Variants in SPINK7 observed in about 807,000 individuals in gnomAD.
The protein encoded by SPINK7 is serine protease inhibitor Kazal-type 7.
SPINK7 carries 8 observed loss-of-function variants against 11.6 expected under a neutral mutation model. The ratio of observed to expected loss-of-function variants is 0.69; its 90% CI spans 0.41 to 1.25. The LOEUF (loss-of-function observed/expected upper bound fraction) is 1.25, where lower values mean the gene tolerates loss of function less well. Ranked by LOEUF, SPINK7 falls within the 50% of genes most tolerant of loss-of-function variation. The pLI, the probability that SPINK7 is intolerant of heterozygous loss-of-function variation, is 0.01. For missense variants in SPINK7, 113 were observed against 99.3 expected (o/e 1.14, Z -0.58); for synonymous variants, 38 against 35.3 (o/e 1.08, Z -0.27).
At chr5:148,315,587 C>T (rs1048717158) in intron 3 of SPINK7, 52 bp from the exon 4 acceptor site, 22 of 1,123,278 alleles carry the variant, frequency 2.0e-5, no homozygotes, top group Non-Finnish European at 2.9e-5. Flanking sequence ...TCTAACATTA[C>T]ATAAAATTTC....
At chr5:148,315,501 C>T (rs1223692904) in intron 3 of SPINK7, 138 bp from the exon 4 acceptor site, 3 of 539,716 alleles carry the variant, frequency 5.6e-6, no homozygotes, top group Non-Finnish European at 1.0e-5. Flanking sequence ...TTGGCAAGGT[C>T]ATTCATTTTC....
Position 148,313,391 on chromosome 5 carries a change from C to A in SPINK7, c.79C>A (p.Pro27Thr). Residue 27 changes from proline to threonine, a missense_variant, in exon 2 of 4, where the codon CCA (proline) becomes ACA (threonine). Coordinates refer to ENST00000274565, the MANE Select transcript of SPINK7 (RefSeq NM_032566.3). ...CSSSEAASLS[P>T]KKVDCSIYKK... ...TTTTTCAGAAGCTGCTAGTCTGTCTCCAAAAAAAGTAAGTATGTTGAATAA... is the reference window on the plus strand; with the variant it reads ...TTTTTCAGAAGCTGCTAGTCTGTCTACAAAAAAAGTAAGTATGTTGAATAA... 1 of 1,599,632 alleles carries A rather than the reference C, an allele frequency of 6.3e-7. No individual in the cohort carries two copies. Among genetic ancestry groups the A allele is most frequent in the East Asian group, 2.2e-5 (1 of 44,450 alleles).
intron 3 of SPINK7, among the ~76,000 whole-genome samples, chr5:148,315,085 T>A (rs6860471): frequency 4.6e-5 from 7 of 152,120 alleles, no homozygotes; most frequent in Non-Finnish European, 1.0e-4. Flanking sequence ...TGCGTTTTCA[T>A]CTTTGTGATT....
chr5:148,313,086 A>C (rs1222504711), intron 1 of SPINK7, among the ~76,000 whole-genome samples: 4 of 152,052 alleles, frequency 2.6e-5, no homozygotes, highest in Non-Finnish European at 5.9e-5. Flanking sequence ...TCTTATTGCT[A>C]CTTGACTTTG....
rs778943608 is a variant in SPINK7, at chr5:148,314,137, C to A, written c.125C>A (p.Ala42Asp). ...ATTTACAAGAAGTATCCAGTGGTGG[C>A]CATCCCCTGCCCCATCACATACCTA... ...CSIYKKYPVV[A>D]IPCPITYLPV... The change falls in exon 3 of 4, where the codon GCC becomes GAC. Residue 42 changes from alanine to aspartate, a missense_variant. Physicochemically the swap from Ala to Asp is moderately radical, Grantham distance 126 (BLOSUM62 -2). Transcript: ENST00000274565. 6.2e-7 allele frequency: 1 copy of A among 1,613,784 alleles called. No individual in the cohort carries two copies. The highest frequency in any genetic ancestry group is 8.5e-7 in the Non-Finnish European group (1 of 1,179,786).
Position 148,314,182 on chromosome 5 carries a change from A to G in SPINK7, c.170A>G (p.Tyr57Cys), listed in dbSNP as rs958631435. 1.1e-5 allele frequency: 18 copies of G among 1,613,812 alleles called. No individual in the cohort carries two copies. Among genetic ancestry groups the G allele is most frequent in the Non-Finnish European group, 1.4e-5 (17 of 1,179,772 alleles). ...TACCTACCAGTTTGTGGTTCTGACTACATCACCTATGGGAATGAATGTCAC... is the reference window on the plus strand; with the variant it reads ...TACCTACCAGTTTGTGGTTCTGACTGCATCACCTATGGGAATGAATGTCAC... ...ITYLPVCGSD[Y>C]ITYGNECHLC... Residue 57 changes from tyrosine to cysteine, a missense_variant, in exon 3 of 4, where the codon TAC becomes TGC. Transcript: ENST00000274565.
At chr5:148,314,298 T>C in intron 3 of SPINK7, 74 bp downstream of exon 3, 1 of 1,529,766 alleles carries the variant, frequency 6.5e-7, no homozygotes, top group Middle Eastern at 1.7e-4. Flanking sequence ...CTTTCCAGGA[T>C]CCAGCTTAAA....
intron 3 of SPINK7, among the ~76,000 whole-genome samples, chr5:148,315,268 T>C (rs1581179449): frequency 1.3e-5 from 2 of 152,092 alleles, no homozygotes; most frequent in African/African-American, 4.8e-5. Context: ...GAGAGAAACA[T>C]GATGAAAGTC....
chr5:148,314,369 T>A, intron 3 of SPINK7, 145 bp downstream of exon 3: 3 of 897,030 alleles, frequency 3.3e-6, no homozygotes, highest in Non-Finnish European at 5.1e-6. Context: ...GATAGAAAAC[T>A]GACTGTTGCA....
At chr5:148,313,927 A>G in intron 2 of SPINK7, 173 bp from the exon 3 acceptor site, 1 of 739,006 alleles carries the variant, frequency 1.4e-6, no homozygotes, top group South Asian at 2.1e-5. Context: ...GCAGAAAAAA[A>G]TAGAATACCA....
intron 3 of SPINK7, among the ~76,000 whole-genome samples, chr5:148,314,746 G>C (rs1254249270): frequency 6.6e-6 from 1 of 152,028 alleles, no homozygotes; most frequent in Non-Finnish European, 1.5e-5. Context: ...TTGATTCTTA[G>C]ACAAAGTGTC....
chr5:148,315,903 A>C lies in SPINK7; in HGVS notation c.*219A>C. On this transcript the variant is annotated 3_prime_UTR_variant, in exon 4 of 4. Transcript: ENST00000274565. ...TTTTTTTTTTAACACGTCAATAAAA[A>C]AATAATCTCCCAGAAAGTTTATCTT... is the stretch of plus-strand genomic sequence containing the variant. 2.5e-6 allele frequency: 1 copy of C among 392,272 alleles called. No individual in the cohort carries two copies. Among genetic ancestry groups the C allele is most frequent in the East Asian group, 3.6e-5 (1 of 27,910 alleles). 24.3% of individuals were successfully genotyped at this position (392,272 alleles called of 1,614,324 possible).
At position 148,313,351 on chromosome 5, in the gene SPINK7, C is replaced by G. The variant is rs548721990; in HGVS notation, c.62-23C>G. 7 of 1,589,990 alleles carry G rather than the reference C, an allele frequency of 4.4e-6. No homozygotes were observed. The Admixed American group carries it at 1.2e-4, about 27-fold the overall frequency. ...TTAAAGTTTGCTTTACTTTTAACAT[C>G]TTCATCTGTATCTCTTTTTCAGAAG... On this transcript the variant is annotated intron_variant, in intron 1 of 3. Transcript: ENST00000274565.
At chr5:148,315,424 G>A (rs749483785) in intron 3 of SPINK7, among the ~76,000 whole-genome samples, 64 of 152,108 alleles carry the variant, frequency 4.2e-4, no homozygotes, top group Non-Finnish European at 8.5e-4. Context: ...AATCAGAGGA[G>A]GCAGCAGAGG....
At chr5:148,315,266 CATG>C in intron 3 of SPINK7, among the ~76,000 whole-genome samples, 1 of 152,234 alleles carries the variant, frequency 6.6e-6, no homozygotes, top group South Asian at 2.1e-4. Context: ...TGGAGAGAAA[CATG>C]ATGAAAGTCC....
rs147459281 is a variant in SPINK7, at chr5:148,315,717, A to G, written c.*33A>G. 1 of 1,255,966 alleles carries G rather than the reference A, an allele frequency of 8.0e-7. No individual in the cohort carries two copies. Among genetic ancestry groups the G allele is most frequent in the Admixed American group, 1.8e-5 (1 of 55,202 alleles). 77.8% of individuals were successfully genotyped at this position (1,255,966 alleles called of 1,614,324 possible). ...ATGGACATAGAGAGAAAGGAATGATATTCTCATCATCATCTTCATCATCCC... is the reference window on the plus strand; with the variant it reads ...ATGGACATAGAGAGAAAGGAATGATGTTCTCATCATCATCTTCATCATCCC... On this transcript the variant is annotated 3_prime_UTR_variant, in exon 4 of 4. Transcript: ENST00000274565.
intron 3 of SPINK7, 109 bp downstream of exon 3, chr5:148,314,333 T>C (rs1003094122): frequency 7.8e-6 from 10 of 1,282,714 alleles, no homozygotes; most frequent in Admixed American, 2.0e-5. Context: ...AATTTATAAT[T>C]ATTCCCACCC....
chr5:148,313,449 T>A, intron 2 of SPINK7, 50 bp downstream of exon 2: 1 of 1,358,672 alleles, frequency 7.4e-7, no homozygotes, highest in Non-Finnish European at 1.0e-6. Context: ...GACTGTCATT[T>A]AGTCAACATA....
rs368953735 is a variant in SPINK7, at chr5:148,314,388, C to G, written c.212+164C>G. ...GAAAACTGACTGTTGCACAATCAGA[C>G]AGGGTAGAGTCACCTGCTCTGCCAG... On this transcript the variant is annotated intron_variant, in intron 3 of 3. Transcript: ENST00000274565. 8.7e-5 allele frequency: 64 copies of G among 734,470 alleles called. No individual in the cohort carries two copies. The African/African-American group carries it at 1.0e-3, about 12-fold the overall frequency. 45.5% of individuals were successfully genotyped at this position (734,470 alleles called of 1,614,324 possible).
Sources: allele counts gnomAD v4.1 joint callset (sites outside exome capture counted in the v4.1 genomes callset), GRCh38; gene constraint gnomAD v4.1.1; transcripts MANE v1.5; gene names NCBI Gene and HGNC (gene_info 2026-07-23, HGNC 2026-07-21).